The following EIF4G3 variants were observed in gnomAD, a reference collection of about 807,000 sequenced individuals.
EIF4G3 encodes eIF-4-gamma 3.
EIF4G3 carries 34 observed loss-of-function variants against 186.4 expected under a neutral mutation model. That is an observed-to-expected ratio of 0.18 (90% confidence interval 0.14 to 0.24). The LOEUF is 0.24. Ranked by LOEUF, EIF4G3 falls within the 10% of genes least tolerant of loss-of-function variation. The probability of loss-of-function intolerance (pLI) is 1.00; values close to 1 mark genes in which losing one functional copy is unlikely to be tolerated. For missense variants in EIF4G3, 1,536 were observed against 1,948.5 expected (o/e 0.79, Z 3.99); for synonymous variants, 673 against 679.5 (o/e 0.99, Z 0.15).
intron 23 of EIF4G3, among the ~76,000 whole-genome samples, chr1:20,861,927 T>C (rs1410046593): frequency 6.6e-6 from 1 of 152,060 alleles, no homozygotes; most frequent in Non-Finnish European, 1.5e-5. Context: ...TGAGCCGAGA[T>C]TGAGCCACTG....
chr1:20,892,878 C>T (rs746399605), intron 18 of EIF4G3: 19 of 603,832 alleles, frequency 3.1e-5, no homozygotes, highest in Non-Finnish European at 4.6e-5. Context: ...CTTGCTTTGT[C>T]GCCCAGACTG....
At chr1:21,041,094 T>A (rs1205928925) in intron 4 of EIF4G3, among the ~76,000 whole-genome samples, 1 of 152,180 alleles carries the variant, frequency 6.6e-6, no homozygotes, top group Admixed American at 6.5e-5. Context: ...TCCTTTAAAT[T>A]TAATTCGACT....
intron 4 of EIF4G3, among the ~76,000 whole-genome samples, chr1:21,027,973 G>A (rs1188623223): frequency 1.3e-5 from 2 of 152,186 alleles, no homozygotes; most frequent in Non-Finnish European, 2.9e-5. Context: ...AGGGAATTCT[G>A]ACATATCCTA....
At chr1:21,130,269 G>A (rs1392788802) in intron 2 of EIF4G3, among the ~76,000 whole-genome samples, 3 of 128,844 alleles carry the variant, frequency 2.3e-5, no homozygotes, top group African/African-American at 8.9e-5. Flanking sequence ...CTGTCGCCCA[G>A]GCTAGGGTGC....
At chr1:20,930,523 C>G (rs547816923) in intron 14 of EIF4G3, among the ~76,000 whole-genome samples, 41 of 152,282 alleles carry the variant, frequency 2.7e-4, no homozygotes, top group African/African-American at 9.9e-4. Flanking sequence ...CAAGTTTTAT[C>G]ATGAGATTGC....
chr1:20,970,349 C>T (rs1467339268), intron 11 of EIF4G3, among the ~76,000 whole-genome samples: 1 of 152,156 alleles, frequency 6.6e-6, no homozygotes, highest in Non-Finnish European at 1.5e-5. Flanking sequence ...CGCGGTGGCT[C>T]ACGCCTGTAA....
chr1:20,845,053 T>A (rs1187685673), intron 29 of EIF4G3, among the ~76,000 whole-genome samples: 1 of 152,230 alleles, frequency 6.6e-6, no homozygotes, highest in Non-Finnish European at 1.5e-5. Context: ...CCTGTGCCTA[T>A]GTCCTGAATG....
rs1389755937 is a variant in EIF4G3 at position 21,053,630 on chromosome 1, C to T, written c.-195-2636G>A. ...CCCCCGCCCGGCCACCCGCCCCGTCCGGGAGGTGAGGGGCGCCTCTGCCCG... is the reference window on the plus strand; with the variant it reads ...CCCCCGCCCGGCCACCCGCCCCGTCTGGGAGGTGAGGGGCGCCTCTGCCCG... On this transcript the variant is annotated intron_variant, in intron 3 of 36. Coordinates refer to ENST00000602326, the MANE Select transcript of EIF4G3 (RefSeq NM_001391906.1). Among the ~76,000 whole-genome samples the T allele has an allele frequency of 9.0e-5, 12 of 133,190 alleles. No homozygotes were observed. The South Asian group carries it at 9.5e-4, about 11-fold the overall frequency. 87.4% of individuals were successfully genotyped at this position (133,190 alleles called of 152,430 possible). A position where few individuals can be genotyped will look rare whatever the true frequency, so the allele number is the denominator to read the frequency against.
At chr1:21,081,862 C>T (rs890991582) in intron 3 of EIF4G3, among the ~76,000 whole-genome samples, 1 of 151,986 alleles carries the variant, frequency 6.6e-6, no homozygotes, top group African/African-American at 2.4e-5. Flanking sequence ...AAGCTGGTCT[C>T]GAACTCCTGA....
intron 13 of EIF4G3, among the ~76,000 whole-genome samples, chr1:20,943,506 G>C (rs2095800969): frequency 1.3e-5 from 2 of 152,206 alleles, no homozygotes; most frequent in African/African-American, 4.8e-5. Flanking sequence ...GAAACCAAAG[G>C]AGATTTAGAC....
chr1:20,980,150 A>C (rs1047586995), intron 10 of EIF4G3, among the ~76,000 whole-genome samples, 184 bp downstream of exon 10: 7 of 152,164 alleles, frequency 4.6e-5, no homozygotes. Flanking sequence ...AGCCTGACTA[A>C]CATAATGAGA....
chr1:21,154,549 T>C (rs1374452888), intron 2 of EIF4G3, among the ~76,000 whole-genome samples: 2 of 152,228 alleles, frequency 1.3e-5, no homozygotes, highest in African/African-American at 2.4e-5. Flanking sequence ...GCTCCAAATA[T>C]ATTTTTCAAA....
intron 4 of EIF4G3, 87 bp downstream of exon 4, chr1:21,050,779 T>G (rs1192126760): frequency 1.5e-6 from 1 of 647,926 alleles, no homozygotes; most frequent in Non-Finnish European, 2.7e-6. Context: ...TAATGTTTTA[T>G]GTTACTGCTT....
chr1:20,850,616 T>G (rs2072984544), intron 28 of EIF4G3, among the ~76,000 whole-genome samples: 1 of 152,254 alleles, frequency 6.6e-6, no homozygotes, highest in Non-Finnish European at 1.5e-5. Flanking sequence ...TAATACTTTT[T>G]GAAAACCTTG....
chr1:20,978,679 A>T (rs1185196858), intron 10 of EIF4G3, among the ~76,000 whole-genome samples: 1 of 48,846 alleles, frequency 2.0e-5, no homozygotes, highest in Non-Finnish European at 5.8e-5. Flanking sequence ...TATCAGATCA[A>T]AAAAAAAAAA....
intron 3 of EIF4G3, among the ~76,000 whole-genome samples, chr1:21,053,862 C>T (rs900915125): frequency 5.4e-5 from 8 of 148,934 alleles, no homozygotes; most frequent in Non-Finnish European, 1.0e-4. Flanking sequence ...GTCAGCCCCC[C>T]GCCCGGCCAG....
intron 32 of EIF4G3, 94 bp from the exon 33 acceptor site, chr1:20,825,292 T>G (rs1571163079): frequency 4.2e-6 from 4 of 946,902 alleles, no homozygotes; most frequent in South Asian, 1.7e-5. Context: ...AGTCAAACAG[T>G]GCAAACCCCA....
chr1:20,812,033 C>T (rs1202875577), intron 35 of EIF4G3, among the ~76,000 whole-genome samples: 1 of 152,112 alleles, frequency 6.6e-6, no homozygotes, highest in East Asian at 1.9e-4. Context: ...TAAAAAGGGG[C>T]TGAGAAATGA....
intron 3 of EIF4G3, among the ~76,000 whole-genome samples, chr1:21,062,843 G>A (rs1364525164): frequency 1.3e-5 from 2 of 151,962 alleles, no homozygotes; most frequent in Non-Finnish European, 2.9e-5. Context: ...TGCCCACCTT[G>A]GCCTCCCAAA....
Sources: gnomAD v4.1 joint callset for allele counts (sites outside exome capture counted in the v4.1 genomes callset) on GRCh38, gnomAD v4.1.1 for gene constraint, MANE v1.5 for transcripts, NCBI Gene and HGNC (gene_info 2026-07-23, HGNC 2026-07-21) for gene names.